Variants in ZYG11A observed in about 807,000 individuals in gnomAD.
ZYG11A encodes the protein protein zyg-11 homolog A.
In ZYG11A, 62 loss-of-function variants were observed where a neutral mutation model predicts 77.2. That is an observed-to-expected ratio of 0.80 (90% CI 0.65 to 0.99). ZYG11A has a LOEUF of 0.99. ZYG11A is among the 50% of genes least tolerant of loss of function. The probability of loss-of-function intolerance (pLI) is 0.00; values close to 1 mark genes in which losing one functional copy is unlikely to be tolerated. For synonymous variants in ZYG11A, 315 were observed against 324.6 expected, an observed-to-expected ratio of 0.97 and a Z score of 0.32; for missense variants, 828 against 896.8, an observed-to-expected ratio of 0.92 and a Z score of 0.98.
Position 52,857,289 on chromosome 1 carries a change from T to G in ZYG11A, c.548T>G (p.Leu183Arg). The G allele has an allele frequency of 6.4e-7, 1 of 1,552,104 alleles. No individual in the cohort carries two copies. Among genetic ancestry groups the G allele is most frequent in the Non-Finnish European group, 8.7e-7 (1 of 1,147,116 alleles). ...RLLFFSQLTG[L>R]RILSVFNVCF... ...CTGTTCTTTAGTCAGCTCACTGGTC[T>G]TCGCATTTTAAGTGTTTTTAATGTT... Residue 183 changes from leucine (L) to arginine (R), a missense_variant, in exon 3 of 14, where the codon CTT becomes CGT. By Grantham distance (102) the Leu-to-Arg change is moderately radical. Transcript: ENST00000371528.
At position 52,893,110 on chromosome 1, in the gene ZYG11A, G is replaced by A. The variant is rs1442472703; in HGVS notation, c.*153G>A. On this transcript the variant is annotated 3_prime_UTR_variant, in exon 14 of 14. Transcript: ENST00000371528. ...ATATATGTTACAAAAGGTTGGATTT[G>A]TATGATAGCTGTAATCCCAAGTCAA... 6 of 702,152 alleles carry A rather than the reference G, an allele frequency of 8.5e-6. No individual in the cohort carries two copies. Among genetic ancestry groups the A allele is most frequent in the Non-Finnish European group, 1.4e-5 (6 of 437,302 alleles). 43.5% of individuals were successfully genotyped at this position (702,152 alleles called of 1,614,324 possible).
At chr1:52,864,400 G>A (rs1037705671) in intron 5 of ZYG11A, among the ~76,000 whole-genome samples, 7 of 151,668 alleles carry the variant, frequency 4.6e-5, no homozygotes, top group South Asian at 4.2e-4. Context: ...CGTGCACCAC[G>A]ACGCCCAGCT....
At chr1:52,883,583 C>T (rs1382490852) in intron 11 of ZYG11A, among the ~76,000 whole-genome samples, 1 of 151,280 alleles carries the variant, frequency 6.6e-6, no homozygotes, top group African/African-American at 2.4e-5. Context: ...CATGCCACCA[C>T]ACCTAGCTAA....
At chr1:52,869,278 G>A (rs1349307537) in intron 8 of ZYG11A, among the ~76,000 whole-genome samples, 1 of 139,650 alleles carries the variant, frequency 7.2e-6, no homozygotes, top group Admixed American at 7.3e-5. Context: ...ATCATTCTTG[G>A]GTGTTTCTCG....
At chr1:52,874,336 C>G (rs1646224443) in intron 8 of ZYG11A, among the ~76,000 whole-genome samples, 1 of 152,106 alleles carries the variant, frequency 6.6e-6, no homozygotes, top group Non-Finnish European at 1.5e-5. Flanking sequence ...CCTCGACCTC[C>G]TGGGCTCAAG....
At chr1:52,881,408 G>A in intron 10 of ZYG11A, 63 bp from the exon 11 acceptor site, 1 of 1,266,124 alleles carries the variant, frequency 7.9e-7, no homozygotes, top group Non-Finnish European at 1.1e-6. Flanking sequence ...AGGGAAAAAA[G>A]CCAATTCCTG....
At chr1:52,889,174 C>T (rs187274722) in intron 13 of ZYG11A, among the ~76,000 whole-genome samples, 2 of 151,918 alleles carry the variant, frequency 1.3e-5, no homozygotes, top group African/African-American at 4.8e-5. Context: ...GACAGGGTCT[C>T]ACTTCATTGC....
intron 2 of ZYG11A, among the ~76,000 whole-genome samples, chr1:52,855,693 T>C (rs1461077967): frequency 2.6e-5 from 4 of 152,254 alleles, no homozygotes; most frequent in Non-Finnish European, 5.9e-5. Flanking sequence ...CGAACTTTTT[T>C]CATTTAGCAT....
At chr1:52,843,744 T>C (rs2149979892) in intron 1 of ZYG11A, among the ~76,000 whole-genome samples, 1 of 146,172 alleles carries the variant, frequency 6.8e-6, no homozygotes, top group Admixed American at 7.0e-5. Flanking sequence ...TGGAGTGCAG[T>C]GGCGCGATCT....
intron 12 of ZYG11A, among the ~76,000 whole-genome samples, chr1:52,886,136 G>A (rs1482029281): frequency 6.6e-6 from 1 of 152,020 alleles, no homozygotes; most frequent in African/African-American, 2.4e-5. Context: ...GTTTCACCAT[G>A]TTAGCCAGGA....
chr1:52,882,301 C>A (rs1323582380), intron 11 of ZYG11A, among the ~76,000 whole-genome samples: 1 of 152,228 alleles, frequency 6.6e-6, no homozygotes, highest in Non-Finnish European at 1.5e-5. Context: ...CTTTTTCTCA[C>A]TGTTTCTATG....
chr1:52,888,998 C>T (rs987110486), intron 13 of ZYG11A, among the ~76,000 whole-genome samples: 5 of 152,152 alleles, frequency 3.3e-5, no homozygotes, highest in African/African-American at 1.2e-4. Context: ...AGAAACTAAC[C>T]GAAACTAGAA....
At position 52,842,783 on chromosome 1, in the gene ZYG11A, C is replaced by G. The variant is rs117974148; in HGVS notation, c.-101C>G. On this transcript the variant is annotated 5_prime_UTR_variant, in exon 1 of 14. Transcript: ENST00000371528. ...GCGCTAGCTCCGTGTGCCTCGCAGG[C>G]GTGGTGGGCGCGTCCTGGCAGCCGC... 9,335 of 1,128,958 alleles carry G rather than the reference C, an allele frequency of 8.3e-3. 656 individuals carry two copies. In the East Asian group the frequency reaches 0.19, roughly 23 times the overall value. The allele number at this position is 1,128,958 out of a possible 1,614,324, so 69.9% of individuals were successfully genotyped here. A position where few individuals can be genotyped will look rare whatever the true frequency, so the allele number is the denominator to read the frequency against.
At chr1:52,857,838 G>T in intron 3 of ZYG11A, 89 bp downstream of exon 3, 1 of 1,131,346 alleles carries the variant, frequency 8.8e-7, no homozygotes, top group Non-Finnish European at 1.2e-6. Flanking sequence ...TAGGTATTAG[G>T]GTTACAGAGA....
chr1:52,886,749 G>T (rs565423392), intron 12 of ZYG11A, among the ~76,000 whole-genome samples: 1 of 104,210 alleles, frequency 9.6e-6, no homozygotes, highest in East Asian at 3.0e-4. Context: ...GGCTCACCTT[G>T]TTGCCTAGGC....
intron 13 of ZYG11A, 144 bp from the exon 14 acceptor site, chr1:52,892,638 T>G: frequency 1.4e-6 from 1 of 696,486 alleles, no homozygotes; most frequent in East Asian, 2.7e-5. Context: ...AGAACTGCTT[T>G]AGAATTGACT....
At chr1:52,860,538 T>C (rs546334) in intron 3 of ZYG11A, among the ~76,000 whole-genome samples, 193 bp from the exon 4 acceptor site, 99,108 of 152,060 alleles carry the variant, frequency 0.65, 33,487 homozygotes, top group African/African-American at 0.79. Context: ...CTCGGGTGAT[T>C]CACCTGCCTC....
intron 1 of ZYG11A, among the ~76,000 whole-genome samples, chr1:52,847,568 G>A (rs1361750052): frequency 1.3e-5 from 2 of 151,170 alleles, no homozygotes; most frequent in Admixed American, 6.6e-5. Context: ...ATGAGCTGGC[G>A]ACAAGTTGTC....
intron 4 of ZYG11A, among the ~76,000 whole-genome samples, chr1:52,862,520 G>A (rs1173293928): frequency 6.6e-6 from 1 of 151,708 alleles, no homozygotes; most frequent in Admixed American, 6.6e-5. Flanking sequence ...CACCGTGTTA[G>A]CCAGGATGGT....
Sources: allele counts gnomAD v4.1 joint callset (sites outside exome capture counted in the v4.1 genomes callset), GRCh38; gene constraint gnomAD v4.1.1; transcripts MANE v1.5; gene names NCBI Gene and HGNC (gene_info 2026-07-23, HGNC 2026-07-21).